The following ABCA1 variants were observed in gnomAD, a reference collection of about 807,000 sequenced individuals.
ABCA1 encodes the protein phospholipid-transporting ATPase ABCA1.
A neutral mutation model predicts 262.5 loss-of-function variants in ABCA1; 133 were observed. The ratio of observed to expected loss-of-function variants is 0.51; its 90% CI spans 0.44 to 0.59. The LOEUF (loss-of-function observed/expected upper bound fraction) is 0.59, where lower values mean the gene tolerates loss of function less well. Among genes scored for constraint, ABCA1 ranks in the 20% least tolerant of loss-of-function variants. The pLI, the probability that ABCA1 is intolerant of heterozygous loss-of-function variation, is 0.00. For missense variants in ABCA1, 2,452 were observed against 2,777.5 expected (o/e 0.88, Z 2.63); for synonymous variants, 1,022 against 1,043.5 (o/e 0.98, Z 0.40).
In ABCA1 at chr9:104,809,504, A is replaced by C; in HGVS notation, c.4236T>G (p.Pro1412=). 2.5e-6 allele frequency: 4 copies of C among 1,614,192 alleles called. No homozygotes were observed. The highest frequency in any genetic ancestry group is 3.4e-6 in the Non-Finnish European group (4 of 1,180,024). ...LELLNALTKD[P]GFGTRCMEGN... is the part of the protein sequence containing the mutation. ...CTTCCATACAGCGGGTCCCGAAGCCAGGGTCTTTGGTGAGGGCGTTTAAGA... is the reference window on the plus strand; with the variant it reads ...CTTCCATACAGCGGGTCCCGAAGCCCGGGTCTTTGGTGAGGGCGTTTAAGA... Residue 1412 remains proline (P), a synonymous_variant, in exon 30 of 50, where the codon CCT becomes CCG. Transcript: ENST00000374736.
Position 104,819,575 on chromosome 9 carries a change from A to G in ABCA1, c.3241+11T>C. The G allele has an allele frequency of 6.2e-7, 1 of 1,614,148 alleles. No homozygotes were observed. Among genetic ancestry groups the G allele is most frequent in the Non-Finnish European group, 8.5e-7 (1 of 1,180,042 alleles). On this transcript the variant is annotated intron_variant, in intron 22 of 49. Transcript: ENST00000374736. The stretch of plus-strand genomic sequence containing the variant: ...CAGTCCATTTACTCAGAATAAATAC[A>G]CATCAGGCACCTTGTCGGTATTTCA...
At chr9:104,845,774 G>A (rs563726288) in intron 7 of ABCA1, among the ~76,000 whole-genome samples, 11 of 152,274 alleles carry the variant, frequency 7.2e-5, no homozygotes, top group Middle Eastern at 3.4e-3. Flanking sequence ...TTGATTAATG[G>A]TTTTAAATGA....
At chr9:104,813,438 G>A (rs1408009303) in intron 27 of ABCA1, among the ~76,000 whole-genome samples, 1 of 152,046 alleles carries the variant, frequency 6.6e-6, no homozygotes, top group Non-Finnish European at 1.5e-5. Context: ...TTGAGATGGA[G>A]TTTTCACTCT....
intron 5 of ABCA1, among the ~76,000 whole-genome samples, chr9:104,875,351 C>CA (rs749025515): frequency 0.28 from 17,668 of 63,350 alleles, 1,722 homozygotes; most frequent in Middle Eastern, 0.41. Flanking sequence ...GACTCCATCT[C>CA]AAAAAAAAAA....
chr9:104,795,589 G>A (rs546532098), intron 39 of ABCA1, among the ~76,000 whole-genome samples: 1 of 152,186 alleles, frequency 6.6e-6, no homozygotes, highest in South Asian at 2.1e-4. Flanking sequence ...GACATATCCA[G>A]GTTGGGGTAT....
chr9:104,805,259 G>C (rs944189516), intron 31 of ABCA1, among the ~76,000 whole-genome samples: 2 of 152,116 alleles, frequency 1.3e-5, no homozygotes, highest in Non-Finnish European at 2.9e-5. Flanking sequence ...ATTTTTAGTA[G>C]AGACAGGGTT....
chr9:104,801,058 T>C (rs1830289475), intron 34 of ABCA1, among the ~76,000 whole-genome samples: 1 of 147,666 alleles, frequency 6.8e-6, no homozygotes, highest in Admixed American at 6.8e-5. Context: ...ATGGGAAACC[T>C]GAGACACAGA....
chr9:104,875,315 G>A (rs1838058188), intron 5 of ABCA1, among the ~76,000 whole-genome samples: 1 of 144,590 alleles, frequency 6.9e-6, no homozygotes, highest in Admixed American at 7.1e-5. Flanking sequence ...TACACTCCAT[G>A]CACTCCATCC....
In ABCA1 at chr9:104,781,625, A is replaced by G. The variant is rs903204846; in HGVS notation, c.*2690T>C. 2.0e-5 allele frequency: 3 copies of G among 152,642 alleles called. No individual in the cohort carries two copies. Among genetic ancestry groups the G allele is most frequent in the East Asian group, 3.8e-4 (2 of 5,204 alleles). 9.5% of individuals were successfully genotyped at this position (152,642 alleles called of 1,614,324 possible). On this transcript the variant is annotated 3_prime_UTR_variant, in exon 50 of 50. Transcript: ENST00000374736. Reference sequence around the variant, plus strand: ...GCTTTCAGTACAGATAATGAAATACAGTAGTGTGAGGTTTGGTTGTTTTTT... The same window carrying G: ...GCTTTCAGTACAGATAATGAAATACGGTAGTGTGAGGTTTGGTTGTTTTTT...
chr9:104,860,435 T>C (rs1329952457), intron 6 of ABCA1, among the ~76,000 whole-genome samples: 1 of 152,202 alleles, frequency 6.6e-6, no homozygotes, highest in African/African-American at 2.4e-5. Context: ...GGGCACGCAG[T>C]AAGCACATTT....
In ABCA1 at chr9:104,861,468, C is replaced by T. The variant is rs1293095496; in HGVS notation, c.543+211G>A. 23 of 633,126 alleles carry T rather than the reference C, an allele frequency of 3.6e-5. 1 individual carries two copies. Among genetic ancestry groups the T allele is most frequent in the South Asian group, 1.9e-4 (10 of 52,762 alleles). 39.2% of individuals were successfully genotyped at this position (633,126 alleles called of 1,614,324 possible). On this transcript the variant is annotated intron_variant, in intron 6 of 49. Coordinates refer to ENST00000374736, the MANE Select transcript of ABCA1 (RefSeq NM_005502.4). ...CAGAAATCAATTTTATTTTAACCAG[C>T]TGGCCCATGACGCCAGGTTGCATAT...
At chr9:104,829,310 A>C (rs552234634) in intron 14 of ABCA1, among the ~76,000 whole-genome samples, 172 bp from the exon 15 acceptor site, 1 of 152,360 alleles carries the variant, frequency 6.6e-6, no homozygotes, top group East Asian at 1.9e-4. Flanking sequence ...CGAGCAATGC[A>C]ATGTAGAGAG....
chr9:104,831,145 ACAAT>A, intron 13 of ABCA1, 44 bp from the exon 14 acceptor site: 1 of 1,397,488 alleles, frequency 7.2e-7, no homozygotes, highest in Non-Finnish European at 9.4e-7. Context: ...TTAGAACCAT[ACAAT>A]AAAAAAAAAA....
chr9:104,844,077 C>T (rs1483834833), intron 8 of ABCA1, among the ~76,000 whole-genome samples: 2 of 150,746 alleles, frequency 1.3e-5, no homozygotes, highest in Non-Finnish European at 2.9e-5. Context: ...CAGCTGTAAC[C>T]AAACCCTGAG....
In ABCA1 at chr9:104,822,598, C is replaced by G. The variant is rs574919140; in HGVS notation, c.2726G>C (p.Arg909Pro). 1 of 1,614,116 alleles carries G rather than the reference C, an allele frequency of 6.2e-7. No homozygotes were observed. The highest frequency in any genetic ancestry group is 8.5e-7 in the Non-Finnish European group (1 of 1,180,016). The change falls in exon 19 of 50, where the codon CGA (arginine) becomes CCA (proline). Residue 909 changes from arginine (R) to proline (P), a missense_variant. Physicochemically the swap from Arg to Pro is moderately radical, Grantham distance 103. This residue lies in a region of ABCA1 where 665 missense variants were observed against 727.3 expected (regional missense o/e 0.91). Coordinates refer to ENST00000374736, the MANE Select transcript of ABCA1 (RefSeq NM_005502.4). ...ATCGACAGCCACCTTCATCCCATCTCGGTAGACTTTTACCAGGTTCTGAAT... is the reference window on the plus strand; with the variant it reads ...ATCGACAGCCACCTTCATCCCATCTGGGTAGACTTTTACCAGGTTCTGAAT... ...VSIQNLVKVY[R>P]DGMKVAVDGL...
At chr9:104,790,215 G>A (rs1245115819) in intron 44 of ABCA1, among the ~76,000 whole-genome samples, 1 of 152,122 alleles carries the variant, frequency 6.6e-6, no homozygotes, top group Admixed American at 6.5e-5. Flanking sequence ...GACCTGTGCA[G>A]TCTCAGAAAA....
chr9:104,836,870 A>G, intron 11 of ABCA1, 110 bp downstream of exon 11: 1 of 879,890 alleles, frequency 1.1e-6, no homozygotes, highest in Non-Finnish European at 1.9e-6. Context: ...ACATTCCCCC[A>G]GCTAGATAAA....
At chr9:104,818,972 G>T in intron 22 of ABCA1, 89 bp from the exon 23 acceptor site, 2 of 1,294,118 alleles carry the variant, frequency 1.5e-6, no homozygotes, top group Non-Finnish European at 2.2e-6. Flanking sequence ...GATATTAGCA[G>T]GGGTAAGCAC....
At chr9:104,832,065 G>T (rs1833388918) in intron 12 of ABCA1, among the ~76,000 whole-genome samples, 1 of 152,148 alleles carries the variant, frequency 6.6e-6, no homozygotes, top group African/African-American at 2.4e-5. Context: ...ATTTTGTGGA[G>T]GAAAAGAGGT....
Sources: allele counts gnomAD v4.1 joint callset (sites outside exome capture counted in the v4.1 genomes callset), GRCh38; gene constraint gnomAD v4.1.1; regional missense constraint gnomAD v4.1.1; transcripts MANE v1.5; gene names NCBI Gene and HGNC (gene_info 2026-07-23, HGNC 2026-07-21).